The following CACNA2D2 variants were observed in gnomAD, a reference collection of about 807,000 sequenced individuals.
The protein encoded by CACNA2D2 is calcium voltage-gated channel auxiliary subunit alpha2delta 2.
A neutral mutation model predicts 166.4 loss-of-function variants in CACNA2D2; 48 were observed. The observed-to-expected ratio is 0.29, with a 90% CI of 0.23 to 0.37. The LOEUF is 0.37. Among genes scored for constraint, CACNA2D2 ranks in the 10% least tolerant of loss-of-function variants. The pLI is 1.00. For missense variants in CACNA2D2, 1,122 were observed against 1,433.0 expected, an observed-to-expected ratio of 0.78 and a Z score of 3.50; for synonymous variants, 561 against 573.7, an observed-to-expected ratio of 0.98 and a Z score of 0.32.
chr3:50,478,681 C>A (rs1486240657), intron 1 of CACNA2D2, among the ~76,000 whole-genome samples: 2 of 152,216 alleles, frequency 1.3e-5, no homozygotes, highest in Non-Finnish European at 2.9e-5. Flanking sequence ...ACAAGGTCAC[C>A]TATCCAGGAA....
intron 5 of CACNA2D2, among the ~76,000 whole-genome samples, chr3:50,384,798 C>T (rs1705508447): frequency 6.6e-6 from 1 of 152,230 alleles, no homozygotes. Flanking sequence ...CTGCCCAGCC[C>T]CTTCATGGAG....
chr3:50,389,838 C>T (rs1184597058), intron 4 of CACNA2D2, among the ~76,000 whole-genome samples: 1 of 152,218 alleles, frequency 6.6e-6, no homozygotes, highest in Non-Finnish European at 1.5e-5. Flanking sequence ...TGGGAATGAC[C>T]GCTCCCGGCC....
At chr3:50,481,350 C>T (rs952304898) in intron 1 of CACNA2D2, among the ~76,000 whole-genome samples, 4 of 152,162 alleles carry the variant, frequency 2.6e-5, no homozygotes, top group African/African-American at 7.2e-5. Context: ...CATTTTTTGT[C>T]ATCAAAGCCC....
intron 2 of CACNA2D2, among the ~76,000 whole-genome samples, chr3:50,468,935 T>C (rs2107051858): frequency 6.6e-6 from 1 of 152,022 alleles, no homozygotes; most frequent in African/African-American, 2.4e-5. Context: ...TTCAAGCAAT[T>C]TTCCTGCCTC....
chr3:50,363,575 C>A lies in CACNA2D2; in HGVS notation c.*1091G>T. 1 of 300,790 alleles carries A rather than the reference C, an allele frequency of 3.3e-6. No homozygotes were observed. Among genetic ancestry groups the A allele is most frequent in the East Asian group, 5.8e-5 (1 of 17,294 alleles). 18.6% of individuals were successfully genotyped at this position (300,790 alleles called of 1,614,324 possible). Reference sequence around the variant, plus strand: ...GAAGGAGATAGGGAGTGGGCACAGGCCTGAGTGTGTAAGGGCCAGATTGGC... The same window carrying A: ...GAAGGAGATAGGGAGTGGGCACAGGACTGAGTGTGTAAGGGCCAGATTGGC... On this transcript the variant is annotated 3_prime_UTR_variant, in exon 38 of 38. Transcript: ENST00000424201.
At position 50,365,749 on chromosome 3, in the gene CACNA2D2, C is replaced by G; in HGVS notation, c.2915+61G>C. On this transcript the variant is annotated intron_variant, in intron 33 of 37. Transcript: ENST00000424201. This position sits in a 1 kb window ranked among gnomAD's most constrained non-coding sequence, Gnocchi z 4.5. ...CAGAGGACGATGCCATGCCCTACTT[C>G]TCTTCTGAGCCCTCCCGGCCAGGGA... The G allele has an allele frequency of 6.2e-7, 1 of 1,609,224 alleles. No homozygotes were observed. Among genetic ancestry groups the G allele is most frequent in the Non-Finnish European group, 8.5e-7 (1 of 1,177,990 alleles).
chr3:50,384,767 C>T (rs1705507233), intron 5 of CACNA2D2, among the ~76,000 whole-genome samples: 1 of 152,342 alleles, frequency 6.6e-6, no homozygotes, highest in East Asian at 1.9e-4. Context: ...AGCTCAGGGC[C>T]CCCACAGCCA....
In CACNA2D2 at chr3:50,379,127, C is replaced by G; in HGVS notation, c.1225G>C (p.Asp409His). ...GGCCAATTGTACTTCTCAAAGACGT[C>G]CTGCACGCGGTCCTCACCACCATCC... is the stretch of plus-strand genomic sequence containing the variant. ...FTDGGEDRVQ[D>H]VFEKYNWPNR... Residue 409 changes from aspartate to histidine, a missense_variant, in exon 12 of 38, where the codon GAC (aspartate) becomes CAC (histidine). Coordinates refer to ENST00000424201, the MANE Select transcript of CACNA2D2 (RefSeq NM_006030.4). The surrounding 1 kb of genome is among the most constrained non-coding windows in gnomAD (Gnocchi z 6.5). 1.2e-6 allele frequency: 2 copies of G among 1,614,006 alleles called. No individual in the cohort carries two copies. The highest frequency in any genetic ancestry group is 1.7e-6 in the Non-Finnish European group (2 of 1,179,998).
At chr3:50,374,852 C>CG in intron 21 of CACNA2D2, 39 bp from the exon 22 acceptor site, 1 of 1,492,118 alleles carries the variant, frequency 6.7e-7, no homozygotes, top group Admixed American at 1.9e-5. Flanking sequence ...TGGGGGGAGG[C>CG]GGGCCACACT....
At chr3:50,481,766 C>A (rs193188651) in intron 1 of CACNA2D2, among the ~76,000 whole-genome samples, 1 of 152,232 alleles carries the variant, frequency 6.6e-6, no homozygotes, top group African/African-American at 2.4e-5. Context: ...AAGCCCCAGG[C>A]GGGCAGTTTG....
intron 2 of CACNA2D2, among the ~76,000 whole-genome samples, chr3:50,461,251 G>C (rs937728174): frequency 6.6e-6 from 1 of 152,170 alleles, no homozygotes; most frequent in Non-Finnish European, 1.5e-5. Context: ...GAATGACTGG[G>C]GACCTCTCCA....
chr3:50,442,266 G>A (rs1361839962), intron 2 of CACNA2D2, among the ~76,000 whole-genome samples: 1 of 152,118 alleles, frequency 6.6e-6, no homozygotes, highest in African/African-American at 2.4e-5. Context: ...CAGTGTCCCC[G>A]CCTGCCTATG....
chr3:50,433,013 A>C lies in CACNA2D2; in HGVS notation c.405+1300T>G, dbSNP rs2236970. Reference sequence around the variant, plus strand: ...TAAAAAAACTGCTTTATTGAGATACAATTTATACACCAGCAAATCCACCCA... The same window carrying C: ...TAAAAAAACTGCTTTATTGAGATACCATTTATACACCAGCAAATCCACCCA... On this transcript the variant is annotated intron_variant, in intron 3 of 37. Transcript: ENST00000424201. Among the ~76,000 whole-genome samples the C allele has an allele frequency of 2.6e-3, 389 of 152,324 alleles. 7 individuals carry two copies. The East Asian group carries it at 0.049, about 19-fold the overall frequency.
In CACNA2D2 at chr3:50,379,571, G is replaced by A. The variant is rs1353751716; in HGVS notation, c.1013C>T (p.Pro338Leu). ...CACCAGGTGTGTGAAGCATGACACAGGCTGTGCCTTCTCGTTGAACTGCAG... is the reference window on the plus strand; with the variant it reads ...CACCAGGTGTGTGAAGCATGACACAAGCTGTGCCTTCTCGTTGAACTGCAG... ...NVASFNEKAQ[P>L]VSCFTHLVQA... Residue 338 changes from proline to leucine, a missense_variant, in exon 11 of 38, where the codon CCT (proline) becomes CTT (leucine). By Grantham distance (98) the Pro-to-Leu change is moderately conservative (BLOSUM62 -3). Coordinates refer to ENST00000424201, the MANE Select transcript of CACNA2D2 (RefSeq NM_006030.4). The surrounding 1 kb of genome is among the most constrained non-coding windows in gnomAD (Gnocchi z 6.5). The A allele has an allele frequency of 1.2e-6, 2 of 1,613,948 alleles. No individual in the cohort carries two copies. Among genetic ancestry groups the A allele is most frequent in the Non-Finnish European group, 1.7e-6 (2 of 1,180,036 alleles).
intron 4 of CACNA2D2, among the ~76,000 whole-genome samples, chr3:50,391,309 GC>G (rs1341453585): frequency 6.6e-6 from 1 of 152,206 alleles, no homozygotes; most frequent in Non-Finnish European, 1.5e-5. Flanking sequence ...TGGCACTGAG[GC>G]CCTGGGGCCA....
In CACNA2D2 at chr3:50,380,799, G is replaced by A. The variant is rs772808657; in HGVS notation, c.791C>T (p.Pro264Leu). 1.3e-5 allele frequency: 20 copies of A among 1,544,372 alleles called. No individual in the cohort carries two copies. Among genetic ancestry groups the A allele is most frequent in the South Asian group, 3.7e-5 (3 of 80,750 alleles). Residue 264 changes from proline to leucine, a missense_variant, in exon 8 of 38, where the codon CCG becomes CTG. This residue lies in a region of CACNA2D2 where 840 missense variants were observed against 1,166.8 expected (regional missense o/e 0.72). Coordinates refer to ENST00000424201, the MANE Select transcript of CACNA2D2 (RefSeq NM_006030.4). This position sits in a 1 kb window ranked among gnomAD's most constrained non-coding sequence, Gnocchi z 4.9. Reference sequence around the variant, plus strand: ...GTCGATCTTCTTGGGGGCTCGCCACGGGGTGGCTGAGGGAGGAGAGAAGGT... The same window carrying A: ...GTCGATCTTCTTGGGGGCTCGCCACAGGGTGGCTGAGGGAGGAGAGAAGGT... ...TGVTRYYPAT[P>L]WRAPKKIDLY...
At chr3:50,420,120 G>C (rs544095814) in intron 3 of CACNA2D2, among the ~76,000 whole-genome samples, 5 of 152,282 alleles carry the variant, frequency 3.3e-5, no homozygotes, top group African/African-American at 9.6e-5. Context: ...ACCTTGTGGG[G>C]AGAAAGGAGA....
intron 13 of CACNA2D2, 58 bp downstream of exon 13, chr3:50,378,857 G>A (rs1046072435): frequency 4.5e-5 from 72 of 1,596,324 alleles, no homozygotes; most frequent in Non-Finnish European, 5.8e-5. Context: ...TTGAACATAC[G>A]CAATCGACAA....
intron 2 of CACNA2D2, among the ~76,000 whole-genome samples, chr3:50,461,175 G>C (rs1039339214): frequency 6.6e-6 from 1 of 152,214 alleles, no homozygotes; most frequent in Non-Finnish European, 1.5e-5. Context: ...TCTGAACACT[G>C]GGCAAAGGGA....
Sources: allele counts gnomAD v4.1 joint callset (sites outside exome capture counted in the v4.1 genomes callset), GRCh38; gene constraint gnomAD v4.1.1; regional missense constraint gnomAD v4.1.1; non-coding constraint Gnocchi (gnomAD v3.1); transcripts MANE v1.5; gene names NCBI Gene and HGNC (gene_info 2026-07-23, HGNC 2026-07-21).